Variants in OPCML observed in about 807,000 individuals in gnomAD.
OPCML encodes opioid-binding protein/cell adhesion molecule.
Under a neutral mutation model 37.8 loss-of-function variants are expected in OPCML, and 13 were observed. That is an observed-to-expected ratio of 0.34 (90% CI 0.22 to 0.55). The LOEUF is 0.55. OPCML is among the 20% of genes least tolerant of loss of function. OPCML has a pLI of 0.91. For missense variants in OPCML, 341 were observed against 435.6 expected (o/e 0.78, Z 1.93); for synonymous variants, 176 against 168.8 (o/e 1.04, Z -0.33).
At chr11:133,191,815 G>C (rs1371619651) in intron 1 of OPCML, among the ~76,000 whole-genome samples, 1 of 152,098 alleles carries the variant, frequency 6.6e-6, no homozygotes, top group Non-Finnish European at 1.5e-5. Context: ...CTTATCTCCA[G>C]CAATCTCACA....
intron 1 of OPCML, among the ~76,000 whole-genome samples, chr11:133,076,524 C>A (rs2137020598): frequency 6.6e-6 from 1 of 152,272 alleles, no homozygotes; most frequent in East Asian, 1.9e-4. Flanking sequence ...AATTCTAGGC[C>A]AGAATTGGCT....
In OPCML at chr11:133,476,160, C is replaced by T. The variant is rs80069563; in HGVS notation, c.61+56104G>A. ...TGGAAAACACGTTTGGGCCAAAAAC[C>T]CATTAAGGTAATTTTCAACATACAG... On this transcript the variant is annotated intron_variant, in intron 1 of 7. Transcript: ENST00000524381. Among the ~76,000 whole-genome samples, 816 of 152,190 alleles carry T rather than the reference C, an allele frequency of 5.4e-3. 9 individuals are homozygous for T. Among genetic ancestry groups the T allele is most frequent in the African/African-American group, 0.018 (760 of 41,520 alleles).
chr11:132,978,816 CACAG>C lies in OPCML; in HGVS notation c.62-35810_62-35807del, dbSNP rs1325358593. On this transcript the variant is annotated intron_variant, in intron 1 of 7. Coordinates refer to ENST00000524381, the MANE Select transcript of OPCML (RefSeq NM_001012393.5). ...TTATACATGTGTATATACACGCACA[CACAG>C]ACATACACACACGTATACACATCTC... Among the ~76,000 whole-genome samples the C allele has an allele frequency of 4.6e-5, 7 of 151,440 alleles. No homozygotes were observed. The South Asian group carries it at 6.3e-4, about 14-fold the overall frequency.
intron 2 of OPCML, among the ~76,000 whole-genome samples, chr11:132,909,244 G>A (rs1944345550): frequency 6.6e-6 from 1 of 152,138 alleles, no homozygotes; most frequent in Non-Finnish European, 1.5e-5. Context: ...CCAGTCTAAT[G>A]GTATGTTAAT....
At chr11:132,512,288 A>G (rs76629830) in intron 4 of OPCML, among the ~76,000 whole-genome samples, 31,729 of 151,994 alleles carry the variant, frequency 0.21, 3,417 homozygotes, top group Non-Finnish European at 0.23. Context: ...TTTGGAAAAT[A>G]GTTTGGTGGC....
intron 1 of OPCML, among the ~76,000 whole-genome samples, chr11:133,166,442 G>A (rs1950209016): frequency 1.3e-5 from 2 of 152,364 alleles, no homozygotes; most frequent in South Asian, 4.1e-4. Context: ...AGAGCTGGGA[G>A]TCAGGCCCAG....
At chr11:133,253,705 G>T (rs918272365) in intron 1 of OPCML, among the ~76,000 whole-genome samples, 1 of 152,122 alleles carries the variant, frequency 6.6e-6, no homozygotes, top group Non-Finnish European at 1.5e-5. Context: ...AAATGAATAA[G>T]CAAATAAACA....
intron 1 of OPCML, among the ~76,000 whole-genome samples, chr11:133,274,890 T>A (rs1941949618): frequency 6.6e-6 from 1 of 152,206 alleles, no homozygotes. Context: ...GCTGGAAAGC[T>A]CGAGACCTGC....
intron 1 of OPCML, among the ~76,000 whole-genome samples, chr11:133,181,776 A>G (rs1592080535): frequency 6.6e-6 from 1 of 152,054 alleles, no homozygotes; most frequent in African/African-American, 2.4e-5. Flanking sequence ...CATGTTTCAC[A>G]CTCCCTTTAC....
At chr11:133,146,944 T>C (rs373145729) in intron 1 of OPCML, among the ~76,000 whole-genome samples, 25 of 152,358 alleles carry the variant, frequency 1.6e-4, no homozygotes, top group African/African-American at 5.8e-4. Flanking sequence ...TGACCTTTGC[T>C]GAGTACTGAG....
chr11:132,431,825 G>C (rs2095997974), intron 7 of OPCML, among the ~76,000 whole-genome samples: 1 of 152,246 alleles, frequency 6.6e-6, no homozygotes. Flanking sequence ...AAAACAGACT[G>C]ACCGTCTGTG....
intron 1 of OPCML, among the ~76,000 whole-genome samples, chr11:133,524,178 A>AGG (rs1477470149): frequency 6.6e-6 from 1 of 152,248 alleles, no homozygotes; most frequent in East Asian, 1.9e-4. Flanking sequence ...TAGAGTATTC[A>AGG]GAGATGAATA....
chr11:132,520,667 A>AAT (rs10677758), intron 4 of OPCML, among the ~76,000 whole-genome samples: 13 of 118,982 alleles, frequency 1.1e-4, no homozygotes, highest in Middle Eastern at 4.3e-3. Context: ...TATGTAACTA[A>AAT]ATATATATGT....
intron 4 of OPCML, among the ~76,000 whole-genome samples, chr11:132,481,870 A>T (rs1001472201): frequency 2.7e-5 from 4 of 149,838 alleles, no homozygotes; most frequent in Non-Finnish European, 5.9e-5. Context: ...TTTGAAACCA[A>T]CAAGAACAAA....
intron 1 of OPCML, among the ~76,000 whole-genome samples, chr11:133,051,058 TACACACACACAC>T (rs113538759): frequency 4.9e-4 from 73 of 148,100 alleles, no homozygotes; most frequent in Middle Eastern, 7.2e-3. Flanking sequence ...TGTGTGTACA[TACACACACACAC>T]ACACACACAC....
At chr11:133,194,992 C>T (rs1309715099) in intron 1 of OPCML, among the ~76,000 whole-genome samples, 1 of 152,184 alleles carries the variant, frequency 6.6e-6, no homozygotes, top group Non-Finnish European at 1.5e-5. Context: ...CCTTTCTACT[C>T]CAGTAGAATT....
intron 2 of OPCML, among the ~76,000 whole-genome samples, chr11:132,935,862 G>T (rs1945350889): frequency 6.6e-6 from 1 of 152,124 alleles, no homozygotes; most frequent in African/African-American, 2.4e-5. Context: ...CTCATTGTTG[G>T]GTTCTTACCA....
chr11:133,267,383 T>C (rs1052898363), intron 1 of OPCML, among the ~76,000 whole-genome samples: 10 of 152,348 alleles, frequency 6.6e-5, no homozygotes, highest in Non-Finnish European at 1.5e-4. Flanking sequence ...GCAAGTTTTC[T>C]GATCACTCCG....
chr11:133,529,706 T>A (rs1258984452), intron 1 of OPCML, among the ~76,000 whole-genome samples: 1 of 152,160 alleles, frequency 6.6e-6, no homozygotes, highest in Non-Finnish European at 1.5e-5. Context: ...CAGCCTTTGG[T>A]TTTTAGACGC....
Sources: gnomAD v4.1 joint callset for allele counts (sites outside exome capture counted in the v4.1 genomes callset) on GRCh38, gnomAD v4.1.1 for gene constraint, MANE v1.5 for transcripts, NCBI Gene and HGNC (gene_info 2026-07-23, HGNC 2026-07-21) for gene names.